Variants in PPP2R5E observed in about 807,000 individuals in gnomAD.
The protein encoded by PPP2R5E is protein phosphatase 2 regulatory subunit B'epsilon, also known as serine/threonine-protein phosphatase 2A 56 kDa regulatory subunit epsilon isoform.
A neutral mutation model predicts 65.3 loss-of-function variants in PPP2R5E; 4 were observed. That is an observed-to-expected ratio of 0.06 (90% CI 0.03 to 0.14). The LOEUF is 0.14. PPP2R5E is among the 10% of genes least tolerant of loss of function. The pLI, the probability that PPP2R5E is intolerant of heterozygous loss-of-function variation, is 1.00. For synonymous variants in PPP2R5E, 183 were observed against 187.4 expected, an observed-to-expected ratio of 0.98 and a Z score of 0.19; for missense variants, 274 against 556.1, an observed-to-expected ratio of 0.49 and a Z score of 5.10.
rs184490725 is a variant in PPP2R5E, at chr14:63,422,710, G to C, written c.355-616C>G. Among the ~76,000 whole-genome samples the C allele has an allele frequency of 3.1e-3, 367 of 119,466 alleles. 2 individuals carry two copies. The highest frequency in any genetic ancestry group is 0.011 in the African/African-American group (347 of 31,834). The allele number at this position is 119,466 out of a possible 152,430, so 78.4% of individuals were successfully genotyped here. On this transcript the variant is annotated intron_variant, in intron 3 of 13. Coordinates refer to ENST00000337537, the MANE Select transcript of PPP2R5E (RefSeq NM_006246.5). ...GCACTGCACTCCAGCCTGGATGAAA[G>C]AGCGAGACTCCGTCTATTTAAAAAA...
At chr14:63,404,681 T>A (rs1406394988) in intron 5 of PPP2R5E, among the ~76,000 whole-genome samples, 1 of 152,210 alleles carries the variant, frequency 6.6e-6, no homozygotes, top group Non-Finnish European at 1.5e-5. Context: ...CTTTCGAAAG[T>A]GTAAGGCGTA....
rs116048360 is a variant in PPP2R5E at position 63,474,957 on chromosome 14, G to A, written c.158-21072C>T. Among the ~76,000 whole-genome samples, 576 of 152,270 alleles carry A rather than the reference G, an allele frequency of 3.8e-3. 2 individuals carry two copies. The highest frequency in any genetic ancestry group is 0.013 in the African/African-American group (543 of 41,562). The stretch of plus-strand genomic sequence containing the variant: ...ACAGCCAGAGGCAAAAGGAAAACCT[G>A]AGCAGGGTCACAGAAGCCAAAGAAG... On this transcript the variant is annotated intron_variant, in intron 2 of 13. Transcript: ENST00000337537.
At chr14:63,392,451 T>C (rs1269787928) in intron 8 of PPP2R5E, among the ~76,000 whole-genome samples, 1 of 152,214 alleles carries the variant, frequency 6.6e-6, no homozygotes, top group Non-Finnish European at 1.5e-5. Flanking sequence ...AATAAAAACT[T>C]TGCCAATTGC....
At chr14:63,398,880 C>G (rs1330336482) in intron 5 of PPP2R5E, among the ~76,000 whole-genome samples, 1 of 152,088 alleles carries the variant, frequency 6.6e-6, no homozygotes. Context: ...AAAGTGTTGG[C>G]GAGGATATGG....
In PPP2R5E at chr14:63,371,997, T is replaced by C. The variant is rs1281345874; in HGVS notation, c.*4012A>G. The C allele has an allele frequency of 3.3e-5, 5 of 151,778 alleles. No homozygotes were observed. The highest frequency in any genetic ancestry group is 1.3e-4 in the Admixed American group (2 of 15,222). 9.4% of individuals were successfully genotyped at this position (151,778 alleles called of 1,614,324 possible). A position where few individuals can be genotyped will look rare whatever the true frequency, so the allele number is the denominator to read the frequency against. On this transcript the variant is annotated 3_prime_UTR_variant, in exon 14 of 14. Coordinates refer to ENST00000337537, the MANE Select transcript of PPP2R5E (RefSeq NM_006246.5). ...AAAATTCCCCATTGATACATGAGGT[T>C]TGGATTACAACTTATTTACAATAAG...
chr14:63,420,775 G>A lies in PPP2R5E; in HGVS notation c.456+1218C>T, dbSNP rs921745629. On this transcript the variant is annotated intron_variant, in intron 4 of 13. Coordinates refer to ENST00000337537, the MANE Select transcript of PPP2R5E (RefSeq NM_006246.5). ...CTCTTCAAAAAGTCAACCTGAGGCCGGGCGCGGTGGCTCACGCCTGTAATC... is the reference window on the plus strand; with the variant it reads ...CTCTTCAAAAAGTCAACCTGAGGCCAGGCGCGGTGGCTCACGCCTGTAATC... Among the ~76,000 whole-genome samples the A allele has an allele frequency of 1.1e-4, 11 of 101,034 alleles. 1 individual carries two copies. The East Asian group carries it at 1.6e-3, about 15-fold the overall frequency. 66.3% of individuals were successfully genotyped at this position (101,034 alleles called of 152,430 possible). A position where few individuals can be genotyped will look rare whatever the true frequency, so the allele number is the denominator to read the frequency against.
chr14:63,542,634 G>GCGCTCC (rs1221207918), intron 1 of PPP2R5E, 145 bp downstream of exon 1: 1 of 152,438 alleles, frequency 6.6e-6, no homozygotes, highest in Admixed American at 6.5e-5. Flanking sequence ...AGTGGGACGG[G>GCGCTCC]CGCTCCCGCT....
intron 3 of PPP2R5E, among the ~76,000 whole-genome samples, chr14:63,435,304 C>T (rs1428527176): frequency 6.6e-6 from 1 of 151,644 alleles, no homozygotes; most frequent in Non-Finnish European, 1.5e-5. Context: ...GCAGACTGGC[C>T]AAAATGTGGG....
intron 13 of PPP2R5E, 40 bp downstream of exon 13, chr14:63,382,016 A>T: frequency 6.6e-7 from 1 of 1,508,144 alleles, no homozygotes; most frequent in Non-Finnish European, 9.1e-7. Flanking sequence ...AAAACTCAAT[A>T]GCTTTATGCA....
chr14:63,511,722 C>T (rs1892459654), intron 2 of PPP2R5E, among the ~76,000 whole-genome samples: 1 of 152,108 alleles, frequency 6.6e-6, no homozygotes, highest in African/African-American at 2.4e-5. Flanking sequence ...TCATAAATCA[C>T]CGTGTAGCTC....
At chr14:63,390,673 G>A (rs560374857) in intron 10 of PPP2R5E, among the ~76,000 whole-genome samples, 7 of 152,180 alleles carry the variant, frequency 4.6e-5, no homozygotes, top group Non-Finnish European at 1.0e-4. Flanking sequence ...GAGAATTGAA[G>A]CTGATTTGAG....
chr14:63,436,750 G>C (rs781465802), intron 3 of PPP2R5E, among the ~76,000 whole-genome samples: 1 of 152,214 alleles, frequency 6.6e-6, no homozygotes, highest in Non-Finnish European at 1.5e-5. Flanking sequence ...GAAACCAAGA[G>C]AAGGATCTAG....
chr14:63,478,366 A>C (rs986842303), intron 2 of PPP2R5E, among the ~76,000 whole-genome samples: 2 of 152,268 alleles, frequency 1.3e-5, no homozygotes, highest in African/African-American at 4.8e-5. Context: ...AAAATGGGAA[A>C]ATTTTTAATA....
intron 2 of PPP2R5E, among the ~76,000 whole-genome samples, chr14:63,471,589 T>G (rs926469913): frequency 6.6e-6 from 1 of 152,206 alleles, no homozygotes; most frequent in Non-Finnish European, 1.5e-5. Context: ...TTACATGTAT[T>G]AACTCCTTTA....
chr14:63,416,468 A>G (rs771161677), intron 4 of PPP2R5E, among the ~76,000 whole-genome samples: 4 of 151,364 alleles, frequency 2.6e-5, no homozygotes, highest in Admixed American at 1.3e-4. Context: ...TACACACATA[A>G]AGCCCTCTGC....
At chr14:63,468,937 T>A (rs1035959733) in intron 2 of PPP2R5E, among the ~76,000 whole-genome samples, 6 of 152,210 alleles carry the variant, frequency 3.9e-5, no homozygotes, top group African/African-American at 1.4e-4. Flanking sequence ...TATTTAGAGA[T>A]CTAAGGACTT....
intron 2 of PPP2R5E, among the ~76,000 whole-genome samples, chr14:63,512,829 TA>T (rs145202995): frequency 0.048 from 7,305 of 152,304 alleles, 251 homozygotes; most frequent in Middle Eastern, 0.071. Context: ...TCCCTACCTA[TA>T]AATGTTCTGT....
intron 2 of PPP2R5E, among the ~76,000 whole-genome samples, chr14:63,501,761 T>C (rs947092970): frequency 5.9e-5 from 9 of 152,214 alleles, no homozygotes; most frequent in Admixed American, 3.3e-4. Flanking sequence ...TGGTGACATA[T>C]ATTCAAAACG....
At chr14:63,523,021 G>A (rs1893014008) in intron 2 of PPP2R5E, among the ~76,000 whole-genome samples, 1 of 149,674 alleles carries the variant, frequency 6.7e-6, no homozygotes, top group Non-Finnish European at 1.5e-5. Context: ...CCTCTGCCCG[G>A]CCGCCCCTAC....
Sources: gnomAD v4.1 joint callset for allele counts (sites outside exome capture counted in the v4.1 genomes callset) on GRCh38, gnomAD v4.1.1 for gene constraint, MANE v1.5 for transcripts, NCBI Gene and HGNC (gene_info 2026-07-23, HGNC 2026-07-21) for gene names.